Variants in CAPSL observed in about 807,000 individuals in gnomAD.
CAPSL encodes the protein calcyphosin-like protein.
In CAPSL, 17 loss-of-function variants were observed where a neutral mutation model predicts 21.3. That is an observed-to-expected ratio of 0.80 (90% CI 0.55 to 1.20). The LOEUF (loss-of-function observed/expected upper bound fraction) is 1.20. Among genes scored for constraint, CAPSL ranks in the 50% most tolerant of loss-of-function variants. The pLI, the probability that CAPSL is intolerant of heterozygous loss-of-function variation, is 0.00. For missense variants in CAPSL, 289 were observed against 259.3 expected, an observed-to-expected ratio of 1.11 and a Z score of -0.79; for synonymous variants, 102 against 89.3, an observed-to-expected ratio of 1.14 and a Z score of -0.80.
intron 4 of CAPSL, among the ~76,000 whole-genome samples, chr5:35,905,980 T>C (rs1049544087): frequency 6.6e-6 from 1 of 152,172 alleles, no homozygotes. Context: ...ACTGGGAATA[T>C]CAAAGATAAT....
chr5:35,908,829 C>T (rs1738117012), intron 4 of CAPSL, among the ~76,000 whole-genome samples: 1 of 152,198 alleles, frequency 6.6e-6, no homozygotes, highest in Admixed American at 6.5e-5. Flanking sequence ...CTATCCCCCA[C>T]CCCTTGCTAA....
chr5:35,907,025 G>A (rs1760692378), intron 4 of CAPSL, among the ~76,000 whole-genome samples: 1 of 152,118 alleles, frequency 6.6e-6, no homozygotes, highest in African/African-American at 2.4e-5. Context: ...CTGTAAATTT[G>A]CCCTCATCAT....
intron 1 of CAPSL, among the ~76,000 whole-genome samples, chr5:35,935,311 G>A (rs1738916398): frequency 6.6e-6 from 1 of 151,348 alleles, no homozygotes; most frequent in Non-Finnish European, 1.5e-5. Context: ...AACCAAATCT[G>A]GTCTCCTCTG....
chr5:35,914,907 C>G (rs55943838), intron 2 of CAPSL, among the ~76,000 whole-genome samples: 3 of 152,090 alleles, frequency 2.0e-5, no homozygotes, highest in African/African-American at 7.2e-5. Context: ...TTCAAAAAAT[C>G]ATTAAATCCA....
intron 2 of CAPSL, among the ~76,000 whole-genome samples, chr5:35,919,073 C>T (rs1050564391): frequency 6.9e-6 from 1 of 145,734 alleles, no homozygotes; most frequent in Non-Finnish European, 1.5e-5. Flanking sequence ...AAACAAAAAA[C>T]AAAAAAAATG....
intron 4 of CAPSL, 48 bp downstream of exon 4, chr5:35,909,818 C>T (rs1323596940): frequency 6.7e-7 from 1 of 1,481,500 alleles, no homozygotes; most frequent in Non-Finnish European, 9.2e-7. Context: ...TTCCCATTTA[C>T]AATTTCGAAT....
chr5:35,913,206 T>C (rs1738279752), intron 2 of CAPSL, among the ~76,000 whole-genome samples: 1 of 152,078 alleles, frequency 6.6e-6, no homozygotes. Flanking sequence ...TATGGGACTA[T>C]GTGAAAAGAC....
intron 4 of CAPSL, among the ~76,000 whole-genome samples, chr5:35,906,194 C>T (rs1040708984): frequency 5.9e-5 from 9 of 152,050 alleles, no homozygotes; most frequent in African/African-American, 1.2e-4. Flanking sequence ...ATCAAACTCC[C>T]GATATTTTTA....
intron 1 of CAPSL, among the ~76,000 whole-genome samples, chr5:35,934,460 A>G (rs1189766637): frequency 6.6e-6 from 1 of 152,208 alleles, no homozygotes; most frequent in Non-Finnish European, 1.5e-5. Flanking sequence ...CATCTGTGCT[A>G]CAAGAGGTCG....
intron 2 of CAPSL, among the ~76,000 whole-genome samples, chr5:35,911,401 G>A (rs1486980369): frequency 1.3e-5 from 2 of 152,140 alleles, no homozygotes; most frequent in African/African-American, 4.8e-5. Flanking sequence ...CATATCCTTG[G>A]TATAATGTGA....
Position 35,909,887 on chromosome 5 carries a change from T to C in CAPSL, c.504A>G (p.Ser168=), listed in dbSNP as rs76216968. The part of the protein sequence containing the change: ...VFRKFLDNFD[S]PYDKDGLVTP... ...TTACCAATCCATCTTTGTCATAGGG[T>C]GAATCAAAGTTATCCAGAAATTTCC... Residue 168 remains serine, a synonymous_variant, in exon 4 of 5, where the codon TCA becomes TCG. Transcript: ENST00000651391. 2.1e-3 allele frequency: 3,364 copies of C among 1,612,894 alleles called. 70 individuals carry two copies. The African/African-American group carries it at 0.04, about 19-fold the overall frequency.
Position 35,930,011 on chromosome 5 carries a change from C to A in CAPSL, c.-1+8530G>T, listed in dbSNP as rs565254957. Among the ~76,000 whole-genome samples the A allele has an allele frequency of 3.9e-5, 6 of 152,158 alleles. No individual in the cohort carries two copies. The South Asian group carries it at 1.2e-3, about 32-fold the overall frequency. On this transcript the variant is annotated intron_variant, in intron 1 of 4. Coordinates refer to ENST00000651391, the MANE Select transcript of CAPSL (RefSeq NM_001042625.2). ...CTTCTGCACTGATTATCTTTTATAC[C>A]ATTTACTATTTTCCCACAATTTATT...
In CAPSL at chr5:35,929,026, A is replaced by G. The variant is rs551832921; in HGVS notation, c.1-7906T>C. 7.9e-5 allele frequency among the ~76,000 whole-genome samples: 12 copies of G among 152,326 alleles called. No homozygotes were observed. The East Asian group carries it at 2.3e-3, about 29-fold the overall frequency. ...AAGGTCACCCTCTAGTAAGAGGAGTAAGGCCTTATTATAACACAACACAGG... is the reference window on the plus strand; with the variant it reads ...AAGGTCACCCTCTAGTAAGAGGAGTGAGGCCTTATTATAACACAACACAGG... On this transcript the variant is annotated intron_variant, in intron 1 of 4. Coordinates refer to ENST00000651391, the MANE Select transcript of CAPSL (RefSeq NM_001042625.2).
chr5:35,920,156 T>C (rs17311549), intron 2 of CAPSL, among the ~76,000 whole-genome samples: 21,986 of 152,180 alleles, frequency 0.14, 1,732 homozygotes, highest in Non-Finnish European at 0.18. Flanking sequence ...AGTACCTTGC[T>C]GGAAGTGAAG....
intron 1 of CAPSL, among the ~76,000 whole-genome samples, chr5:35,927,784 T>A (rs1369885047): frequency 2.0e-5 from 3 of 152,196 alleles, no homozygotes; most frequent in African/African-American, 7.2e-5. Context: ...CTGAAGGCAA[T>A]TAATGGAAAA....
At chr5:35,916,735 C>A (rs1414871078) in intron 2 of CAPSL, among the ~76,000 whole-genome samples, 14 of 152,062 alleles carry the variant, frequency 9.2e-5, no homozygotes, top group Admixed American at 9.2e-4. Context: ...TAAAGACTTA[C>A]ATGTTAGACC....
chr5:35,928,543 C>A (rs1023783082), intron 1 of CAPSL, among the ~76,000 whole-genome samples: 3 of 152,128 alleles, frequency 2.0e-5, no homozygotes, highest in Admixed American at 6.5e-5. Context: ...CCCTTAGTAC[C>A]ACAAGCTATG....
In CAPSL at chr5:35,924,010, C is replaced by A. The variant is rs1484658984; in HGVS notation, c.1-2890G>T. Among the ~76,000 whole-genome samples, 72 of 143,418 alleles carry A rather than the reference C, an allele frequency of 5.0e-4. 1 individual carries two copies. Among genetic ancestry groups the A allele is most frequent in the Admixed American group, 4.5e-3 (66 of 14,706 alleles). 94.1% of individuals were successfully genotyped at this position (143,418 alleles called of 152,430 possible). A position where few individuals can be genotyped will look rare whatever the true frequency, so the allele number is the denominator to read the frequency against. ...ACAAAGTAAATACATACAACTTTAT[C>A]TGTCAATTTAAAAAAAAAATTTAAA... On this transcript the variant is annotated intron_variant, in intron 1 of 4. Transcript: ENST00000651391.
At chr5:35,916,499 C>T (rs1006772245) in intron 2 of CAPSL, among the ~76,000 whole-genome samples, 1 of 152,158 alleles carries the variant, frequency 6.6e-6, no homozygotes, top group African/African-American at 2.4e-5. Flanking sequence ...CAGCATGGTA[C>T]TGGTACCAAA....
Sources: allele counts gnomAD v4.1 joint callset (sites outside exome capture counted in the v4.1 genomes callset), GRCh38; gene constraint gnomAD v4.1.1; transcripts MANE v1.5; gene names NCBI Gene and HGNC (gene_info 2026-07-23, HGNC 2026-07-21).